Variants in ZNF678 observed in about 807,000 individuals in gnomAD.
ZNF678 encodes the protein hypothetical protein MGC42493.
A neutral mutation model predicts 3.0 loss-of-function variants in ZNF678; 5 were observed. The ratio of observed to expected loss-of-function variants is 1.69; its 90% CI spans 0.88 to 3.56. The LOEUF is 3.56. Among genes scored for constraint, ZNF678 ranks in the 30% most tolerant of loss-of-function variants. The pLI is 0.00. For synonymous variants in ZNF678, 218 were observed against 199.6 expected, an observed-to-expected ratio of 1.09 and a Z score of -0.78; for missense variants, 593 against 605.0, an observed-to-expected ratio of 0.98 and a Z score of 0.21.
At chr1:227,646,514 T>C (rs540388686) in intron 1 of ZNF678, 30 bp from the exon 2 acceptor site, 8 of 1,340,450 alleles carry the variant, frequency 6.0e-6, no homozygotes, top group South Asian at 2.3e-5. Context: ...GCACATTTTG[T>C]AAATACGTGT....
intron 5 of ZNF678, among the ~76,000 whole-genome samples, chr1:227,672,090 T>C (rs1349714736): frequency 6.6e-6 from 1 of 152,192 alleles, no homozygotes; most frequent in African/African-American, 2.4e-5. Context: ...AGTGGTTTTG[T>C]TTGCCTGACA....
chr1:227,655,382 A>C lies in ZNF678; in HGVS notation c.1132A>C (p.Lys378Gln). ...KRIHTGEKPYKCKECGKAFNK... is the reference protein window; with the variant it reads ...KRIHTGEKPYQCKECGKAFNK... ...AATTCATACTGGAGAGAAACCCTAC[A>C]AATGCAAAGAATGTGGCAAAGCGTT... Residue 378 changes from lysine to glutamine, a missense_variant, in exon 4 of 4, where the codon AAA (lysine) becomes CAA (glutamine). Transcript: ENST00000343776. 6.2e-7 allele frequency: 1 copy of C among 1,612,648 alleles called. No homozygotes were observed. The highest frequency in any genetic ancestry group is 8.5e-7 in the Non-Finnish European group (1 of 1,179,358).
At chr1:227,593,009 G>A (rs368507655) in intron 1 of ZNF678, among the ~76,000 whole-genome samples, 5 of 152,348 alleles carry the variant, frequency 3.3e-5, no homozygotes, top group South Asian at 4.1e-4. Flanking sequence ...TCTCCTTGTC[G>A]TGAGAGACAC....
chr1:227,592,694 T>C (rs1232375963), intron 1 of ZNF678, among the ~76,000 whole-genome samples: 1 of 152,252 alleles, frequency 6.6e-6, no homozygotes, highest in African/African-American at 2.4e-5. Flanking sequence ...TGATCTGGTA[T>C]TCCTTGCGGG....
At chr1:227,582,174 C>T (rs900220864) in intron 1 of ZNF678, among the ~76,000 whole-genome samples, 11 of 142,596 alleles carry the variant, frequency 7.7e-5, no homozygotes, top group South Asian at 2.2e-4. Flanking sequence ...TATATACACA[C>T]GCACACACAC....
chr1:227,646,219 A>T (rs1658952163), intron 1 of ZNF678, among the ~76,000 whole-genome samples: 1 of 152,236 alleles, frequency 6.6e-6, no homozygotes. Context: ...GGCACTTCAG[A>T]TGATTTTTCC....
chr1:227,579,977 G>C (rs1028961412), intron 1 of ZNF678, among the ~76,000 whole-genome samples: 1 of 152,064 alleles, frequency 6.6e-6, no homozygotes, highest in African/African-American at 2.4e-5. Flanking sequence ...ACCAAGTAGG[G>C]GTTGCAGCTC....
At chr1:227,641,252 A>AC (rs933408876) in intron 1 of ZNF678, among the ~76,000 whole-genome samples, 1 of 152,090 alleles carries the variant, frequency 6.6e-6, no homozygotes, top group African/African-American at 2.4e-5. Context: ...ATTGGTTCAA[A>AC]CCCCAAGAGA....
intron 1 of ZNF678, among the ~76,000 whole-genome samples, chr1:227,617,296 G>A (rs1280693126): frequency 1.3e-5 from 2 of 152,196 alleles, no homozygotes; most frequent in Non-Finnish European, 2.9e-5. Flanking sequence ...AATGAGAGTA[G>A]CATGTGTGTG....
At chr1:227,571,825 A>G (rs1874372) in intron 1 of ZNF678, among the ~76,000 whole-genome samples, 149,446 of 152,278 alleles carry the variant, frequency 0.98, 73,396 homozygotes, top group Middle Eastern at 1. Flanking sequence ...GGTGGATCAC[A>G]AGGTCAGGAG....
chr1:227,654,136 T>C (rs982567796), intron 3 of ZNF678, among the ~76,000 whole-genome samples, 200 bp from the exon 4 acceptor site: 1 of 152,016 alleles, frequency 6.6e-6, no homozygotes, highest in Non-Finnish European at 1.5e-5. Context: ...TGCAAACTCT[T>C]AACTAGATTT....
At chr1:227,676,637 A>G (rs1659685289) in intron 5 of ZNF678, among the ~76,000 whole-genome samples, 1 of 151,628 alleles carries the variant, frequency 6.6e-6, no homozygotes, top group South Asian at 2.1e-4. Context: ...TCGTCATTTA[A>G]CATTAGGTAT....
intron 5 of ZNF678, among the ~76,000 whole-genome samples, chr1:227,668,335 G>A (rs962711408): frequency 2.0e-5 from 3 of 152,084 alleles, no homozygotes; most frequent in Non-Finnish European, 2.9e-5. Flanking sequence ...GCTCATAAAG[G>A]TTCTGCAGAT....
At chr1:227,597,172 G>A (rs973825008) in intron 1 of ZNF678, among the ~76,000 whole-genome samples, 2 of 152,214 alleles carry the variant, frequency 1.3e-5, no homozygotes, top group African/African-American at 4.8e-5. Flanking sequence ...GGAAACAAAG[G>A]GGTGGGCCAA....
At chr1:227,628,313 T>C (rs1658467201) in intron 1 of ZNF678, among the ~76,000 whole-genome samples, 2 of 152,134 alleles carry the variant, frequency 1.3e-5, no homozygotes, top group Non-Finnish European at 2.9e-5. Context: ...CTGTGACATA[T>C]AAAGAAAAGT....
intron 1 of ZNF678, among the ~76,000 whole-genome samples, chr1:227,569,861 A>T (rs1278361145): frequency 6.6e-6 from 1 of 152,156 alleles, no homozygotes; most frequent in Admixed American, 6.5e-5. Flanking sequence ...ATAGACTTGC[A>T]TTGGTGTTTG....
At chr1:227,672,413 GGGA>G (rs1659616693) in intron 5 of ZNF678, among the ~76,000 whole-genome samples, 1 of 152,106 alleles carries the variant, frequency 6.6e-6, no homozygotes. Context: ...CTGAGTGATT[GGGA>G]GGCTCAGGGT....
At chr1:227,609,157 A>G (rs1426969216) in intron 1 of ZNF678, among the ~76,000 whole-genome samples, 1 of 152,182 alleles carries the variant, frequency 6.6e-6, no homozygotes, top group East Asian at 1.9e-4. Context: ...CCATACTTGG[A>G]AAAGAACTAA....
intron 1 of ZNF678, 37 bp downstream of exon 1, chr1:227,563,761 C>G (rs187889938): frequency 7.7e-7 from 1 of 1,306,012 alleles, no homozygotes; most frequent in Non-Finnish European, 1.0e-6. Flanking sequence ...AGATGGCGGT[C>G]CGGCCTCCCG....
Sources: allele counts gnomAD v4.1 joint callset (sites outside exome capture counted in the v4.1 genomes callset), GRCh38; gene constraint gnomAD v4.1.1; transcripts MANE v1.5; gene names NCBI Gene and HGNC (gene_info 2026-07-23, HGNC 2026-07-21).